The following HDAC9 variants were observed in gnomAD, a reference collection of about 807,000 sequenced individuals.
HDAC9 encodes the protein histone deacetylase 9.
HDAC9 carries 41 observed loss-of-function variants against 139.4 expected under a neutral mutation model. The observed-to-expected ratio is 0.29, with a 90% confidence interval of 0.23 to 0.38. The LOEUF (loss-of-function observed/expected upper bound fraction) is 0.38. Among genes scored for constraint, HDAC9 ranks in the 10% least tolerant of loss-of-function variants. The pLI is 1.00. For synonymous variants in HDAC9, 517 were observed against 476.2 expected (o/e 1.09, Z -1.12); for missense variants, 1,147 against 1,297.0 (o/e 0.88, Z 1.78).
intron 2 of HDAC9, among the ~76,000 whole-genome samples, chr7:18,178,066 T>TCCCTCCTCCCCCTCCCCTCCCCTC (rs1789077371): frequency 6.7e-6 from 1 of 148,490 alleles, no homozygotes; most frequent in Non-Finnish European, 1.5e-5. Context: ...TCCCTCCCGT[T>TCCCTCCTCCCCCTCCCCTCCCCTC]CCCTCCTCCA....
At chr7:18,825,649 A>G (rs530536901) in intron 17 of HDAC9, among the ~76,000 whole-genome samples, 11 of 151,494 alleles carry the variant, frequency 7.3e-5, no homozygotes, top group Admixed American at 4.6e-4. Context: ...AAAGGAGAAG[A>G]AGAAAAACGT....
At chr7:18,558,712 G>A (rs999722047) in intron 2 of HDAC9, among the ~76,000 whole-genome samples, 4 of 152,268 alleles carry the variant, frequency 2.6e-5, no homozygotes, top group Middle Eastern at 3.4e-3. Flanking sequence ...ACTTGAGCAC[G>A]AACTTTTCTG....
At chr7:18,732,931 A>ATGTGTATACACACGTGTGTG (rs1491192322) in intron 13 of HDAC9, among the ~76,000 whole-genome samples, 1 of 74,730 alleles carries the variant, frequency 1.3e-5, no homozygotes, top group Non-Finnish European at 2.9e-5. Context: ...ACACGTGTGT[A>ATGTGTATACACACGTGTGTG]TGTATGTGTA....
chr7:18,960,505 A>G (rs1783458210), intron 24 of HDAC9, among the ~76,000 whole-genome samples: 1 of 152,144 alleles, frequency 6.6e-6, no homozygotes, highest in Non-Finnish European at 1.5e-5. Flanking sequence ...GAAAAGAACA[A>G]AGGAATGCTG....
intron 2 of HDAC9, among the ~76,000 whole-genome samples, chr7:18,183,685 A>G (rs1054961043): frequency 2.0e-5 from 3 of 152,096 alleles, no homozygotes; most frequent in African/African-American, 7.2e-5. Context: ...GGGTCTCGCT[A>G]TGTTGCCTAG....
At chr7:18,347,079 A>G (rs941866402) in intron 1 of HDAC9, among the ~76,000 whole-genome samples, 5 of 152,188 alleles carry the variant, frequency 3.3e-5, no homozygotes, top group African/African-American at 7.2e-5. Context: ...ACCATACTGA[A>G]TGAATATTTC....
intron 1 of HDAC9, among the ~76,000 whole-genome samples, chr7:18,477,245 T>A (rs1795181356): frequency 6.6e-6 from 1 of 152,244 alleles, no homozygotes; most frequent in African/African-American, 2.4e-5. Context: ...ATATATTTTC[T>A]AATTTGAGTT....
chr7:18,420,776 C>G (rs528224717), intron 1 of HDAC9, among the ~76,000 whole-genome samples: 1 of 152,228 alleles, frequency 6.6e-6, no homozygotes, highest in East Asian at 1.9e-4. Flanking sequence ...AAGAAAATAT[C>G]AGGTAGTGAT....
At chr7:18,912,260 G>A (rs1309925256) in intron 22 of HDAC9, among the ~76,000 whole-genome samples, 3 of 151,838 alleles carry the variant, frequency 2.0e-5, no homozygotes, top group Non-Finnish European at 4.4e-5. Context: ...CGAGCTTTAG[G>A]GAGTTATTTC....
intron 1 of HDAC9, among the ~76,000 whole-genome samples, chr7:18,103,660 A>G (rs960162209): frequency 3.9e-5 from 6 of 152,168 alleles, no homozygotes; most frequent in Admixed American, 2.6e-4. Context: ...ATCGTTATGG[A>G]TAGGTTCTTG....
At chr7:18,815,999 G>A (rs1296804392) in intron 17 of HDAC9, among the ~76,000 whole-genome samples, 2 of 152,182 alleles carry the variant, frequency 1.3e-5, no homozygotes, top group Non-Finnish European at 2.9e-5. Flanking sequence ...AGTTAGCTGG[G>A]TTTAGGGGCT....
At chr7:18,369,795 C>G (rs1784457972) in intron 1 of HDAC9, among the ~76,000 whole-genome samples, 2 of 152,036 alleles carry the variant, frequency 1.3e-5, no homozygotes, top group Admixed American at 1.3e-4. Context: ...GAGGTGTGCG[C>G]TCACTGTGTC....
chr7:18,676,161 TA>T (rs1371374566), intron 12 of HDAC9, among the ~76,000 whole-genome samples: 3 of 152,036 alleles, frequency 2.0e-5, no homozygotes, highest in South Asian at 2.1e-4. Flanking sequence ...TAGTAGCCTA[TA>T]GGGGGTTCTC....
intron 14 of HDAC9, among the ~76,000 whole-genome samples, chr7:18,752,281 T>C (rs1562913766): frequency 6.6e-6 from 1 of 151,986 alleles, no homozygotes; most frequent in Non-Finnish European, 1.5e-5. Flanking sequence ...GCAAGAAGGG[T>C]CCTACCCAAA....
chr7:18,586,382 A>T (rs1351904352), intron 3 of HDAC9, among the ~76,000 whole-genome samples: 1 of 152,124 alleles, frequency 6.6e-6, no homozygotes, highest in African/African-American at 2.4e-5. Flanking sequence ...GCAAAGATTT[A>T]CAACAAAAAT....
chr7:18,533,661 C>T (rs540574359), intron 2 of HDAC9, among the ~76,000 whole-genome samples: 11 of 152,030 alleles, frequency 7.2e-5, no homozygotes, highest in African/African-American at 2.6e-4. Flanking sequence ...TTCATTTTCT[C>T]GGTTATTCTA....
At position 18,202,449 on chromosome 7, in the gene HDAC9, A is replaced by C. The variant is rs186958553; in HGVS notation, c.25+40100A>C. Among the ~76,000 whole-genome samples the C allele has an allele frequency of 7.9e-5, 12 of 152,270 alleles. No individual in the cohort carries two copies. In the East Asian group the frequency reaches 2.3e-3, roughly 29 times the overall value. The stretch of plus-strand genomic sequence containing the variant: ...GCACAGACACTTGTACTTAATTCAG[A>C]GGTAAATGAAAAGTAATTTACAATT... On this transcript the variant is annotated intron_variant, in intron 2 of 12. Coordinates refer to the HDAC9 transcript ENST00000417496.
intron 1 of HDAC9, among the ~76,000 whole-genome samples, chr7:18,104,618 T>A (rs886686189): frequency 6.6e-6 from 1 of 152,172 alleles, no homozygotes; most frequent in Non-Finnish European, 1.5e-5. Flanking sequence ...TCACACTGTT[T>A]ACTACTCCCC....
intron 1 of HDAC9, among the ~76,000 whole-genome samples, chr7:18,160,444 T>G (rs1231525496): frequency 6.6e-6 from 1 of 152,176 alleles, no homozygotes; most frequent in Non-Finnish European, 1.5e-5. Context: ...TTATTTACTT[T>G]TAATTATGAA....
Sources: allele counts gnomAD v4.1 joint callset (sites outside exome capture counted in the v4.1 genomes callset), GRCh38; gene constraint gnomAD v4.1.1; transcripts MANE v1.5; gene names NCBI Gene and HGNC (gene_info 2026-07-23, HGNC 2026-07-21).